The following TTC23 variants were observed in gnomAD, a reference collection of about 807,000 sequenced individuals.
The protein encoded by TTC23 is tetratricopeptide repeat protein 23.
A neutral mutation model predicts 55.1 loss-of-function variants in TTC23; 58 were observed. That is an observed-to-expected ratio of 1.05 (90% CI 0.85 to 1.31). The LOEUF is 1.31. Ranked by LOEUF, TTC23 falls within the 50% of genes most tolerant of loss-of-function variation. The probability of loss-of-function intolerance (pLI) is 0.00; values close to 1 mark genes in which losing one functional copy is unlikely to be tolerated. For synonymous variants in TTC23, 203 were observed against 199.9 expected, an observed-to-expected ratio of 1.02 and a Z score of -0.13; for missense variants, 516 against 534.4, an observed-to-expected ratio of 0.97 and a Z score of 0.34.
intron 6 of TTC23, 117 bp downstream of exon 6, chr15:99,221,624 G>T: frequency 1.5e-6 from 2 of 1,296,486 alleles, no homozygotes; most frequent in Non-Finnish European, 2.1e-6. Flanking sequence ...ATGGCTTCTT[G>T]GTATTTAGAA....
intron 2 of TTC23, among the ~76,000 whole-genome samples, chr15:99,244,943 A>G (rs1284105939): frequency 6.6e-6 from 1 of 152,228 alleles, no homozygotes; most frequent in South Asian, 2.1e-4. Context: ...TATGAGGTAA[A>G]TAAGTTCTAG....
intron 8 of TTC23, among the ~76,000 whole-genome samples, chr15:99,203,715 A>T (rs28493693): frequency 0.69 from 104,084 of 150,118 alleles, 36,421 homozygotes; most frequent in African/African-American, 0.79. Flanking sequence ...TTTTTTTTTT[A>T]AATCTTTTTA....
intron 4 of TTC23, among the ~76,000 whole-genome samples, chr15:99,232,308 T>C (rs1391327176): frequency 6.6e-6 from 1 of 151,116 alleles, no homozygotes; most frequent in Non-Finnish European, 1.5e-5. Context: ...TGAAACCCCA[T>C]CTCTCCCAAA....
At chr15:99,193,386 G>C (rs1049584365) in intron 9 of TTC23, among the ~76,000 whole-genome samples, 1 of 152,140 alleles carries the variant, frequency 6.6e-6, no homozygotes, top group African/African-American at 2.4e-5. Context: ...TGAATCATGG[G>C]GGTAGGTCTT....
chr15:99,213,923 T>C (rs1260717875), intron 8 of TTC23, among the ~76,000 whole-genome samples: 1 of 152,218 alleles, frequency 6.6e-6, no homozygotes, highest in Admixed American at 6.5e-5. Context: ...GTGATACTGC[T>C]GGGTCAAAAG....
intron 4 of TTC23, among the ~76,000 whole-genome samples, chr15:99,231,455 G>C (rs950520063): frequency 6.6e-6 from 1 of 152,196 alleles, no homozygotes; most frequent in African/African-American, 2.4e-5. Context: ...TGATGATCCT[G>C]ACTGTGTAGA....
rs1555486863 is a variant in TTC23 at position 99,136,477 on chromosome 15, T to TTCC, written c.*1530_*1532dup. 1 of 152,260 alleles carries TTCC rather than the reference T, an allele frequency of 6.6e-6. No homozygotes were observed. Among genetic ancestry groups the TTCC allele is most frequent in the East Asian group, 1.9e-4 (1 of 5,200 alleles). The allele number at this position is 152,260 out of a possible 1,614,324, so 9.4% of individuals were successfully genotyped here. A position where few individuals can be genotyped will look rare whatever the true frequency, so the allele number is the denominator to read the frequency against. ...AGTCTCAAGGTGCCAACAGTTTCATTTCCTGGTGAGGGCTCTCTTCCGGGC... is the reference window on the plus strand; with the variant it reads ...AGTCTCAAGGTGCCAACAGTTTCATTTCCTCCTGGTGAGGGCTCTCTTCCGGGC... On this transcript the variant is annotated 3_prime_UTR_variant, in exon 14 of 14. Coordinates refer to ENST00000394132, the MANE Select transcript of TTC23 (RefSeq NM_001288615.3).
chr15:99,220,754 A>G (rs8031175), intron 6 of TTC23, among the ~76,000 whole-genome samples: 61,880 of 152,020 alleles, frequency 0.41, 12,975 homozygotes, highest in Middle Eastern at 0.58. Context: ...TAGCATCACC[A>G]TTACCATCAT....
At chr15:99,139,152 C>A (rs916641432) in intron 13 of TTC23, 165 bp downstream of exon 13, 35 of 824,126 alleles carry the variant, frequency 4.2e-5, no homozygotes, top group Non-Finnish European at 3.8e-5. Context: ...CAAGGAAGAT[C>A]TTTTACAACT....
At chr15:99,146,926 GTT>G (rs1218425668) in intron 12 of TTC23, among the ~76,000 whole-genome samples, 2 of 152,172 alleles carry the variant, frequency 1.3e-5, no homozygotes, top group African/African-American at 2.4e-5. Context: ...ATTCATTCTT[GTT>G]TTTTGAGACG....
At chr15:99,223,853 T>C (rs1044214062) in intron 5 of TTC23, among the ~76,000 whole-genome samples, 2 of 152,264 alleles carry the variant, frequency 1.3e-5, no homozygotes, top group South Asian at 4.1e-4. Context: ...CACTAAGTTA[T>C]TGGGGTGTCA....
Position 99,246,134 on chromosome 15 carries a change from T to C in TTC23, c.-430-624A>G, listed in dbSNP as rs2080222995. Among the ~76,000 whole-genome samples, 3 of 151,180 alleles carry C rather than the reference T, an allele frequency of 2.0e-5. No homozygotes were observed. In the South Asian group the frequency reaches 6.3e-4, roughly 32 times the overall value. ...CTGTTAGGCAAAGACTTCTGAGATA[T>C]AACACCAAAAGCATAAGTGATAAAA... On this transcript the variant is annotated intron_variant, in intron 1 of 13. Transcript: ENST00000394132.
chr15:99,221,990 G>T, intron 5 of TTC23, 126 bp from the exon 6 acceptor site: 2 of 1,095,712 alleles, frequency 1.8e-6, no homozygotes, highest in Non-Finnish European at 2.6e-6. Context: ...ATTGTTCTAA[G>T]CACTTGAGAT....
chr15:99,192,323 C>T (rs1188461518), intron 9 of TTC23, among the ~76,000 whole-genome samples: 1 of 152,184 alleles, frequency 6.6e-6, no homozygotes, highest in African/African-American at 2.4e-5. Context: ...GACCTTTGCA[C>T]AGTCCCTCCC....
At chr15:99,187,452 C>CAAAAAAAAAAAAAAAAG (rs66568931) in intron 9 of TTC23, among the ~76,000 whole-genome samples, 2 of 44,504 alleles carry the variant, frequency 4.5e-5, no homozygotes, top group African/African-American at 9.8e-5. Flanking sequence ...AAAGCACAAG[C>CAAAAAAAAAAAAAAAAG]AAAAAAAAAA....
intron 3 of TTC23, among the ~76,000 whole-genome samples, chr15:99,237,626 C>G (rs572233275): frequency 3.5e-4 from 53 of 152,178 alleles, no homozygotes; most frequent in Non-Finnish European, 5.9e-4. Context: ...AGTGATTGCC[C>G]TGAATTGGGC....
chr15:99,152,188 C>T (rs1415088812), intron 12 of TTC23, among the ~76,000 whole-genome samples: 3 of 152,170 alleles, frequency 2.0e-5, no homozygotes, highest in African/African-American at 7.2e-5. Flanking sequence ...CCCATTCTCT[C>T]TTGCTCCTGC....
intron 9 of TTC23, among the ~76,000 whole-genome samples, chr15:99,181,393 A>G (rs558075900): frequency 2.0e-5 from 3 of 152,334 alleles, no homozygotes; most frequent in South Asian, 2.1e-4. Flanking sequence ...GAGGGATGCC[A>G]TAAAGGAGAG....
At chr15:99,154,944 G>C (rs1203746952) in intron 12 of TTC23, among the ~76,000 whole-genome samples, 1 of 152,146 alleles carries the variant, frequency 6.6e-6, no homozygotes, top group Non-Finnish European at 1.5e-5. Flanking sequence ...TTATATTGGA[G>C]GTATAAGTCA....
Sources: allele counts gnomAD v4.1 joint callset (sites outside exome capture counted in the v4.1 genomes callset), GRCh38; gene constraint gnomAD v4.1.1; transcripts MANE v1.5; gene names NCBI Gene and HGNC (gene_info 2026-07-23, HGNC 2026-07-21).